AGBL4: variants seen among roughly 807,000 people sequenced by gnomAD.
The protein encoded by AGBL4 is AGBL carboxypeptidase 4.
In AGBL4, 58 loss-of-function variants were observed where a neutral mutation model predicts 66.4. The ratio of observed to expected loss-of-function variants is 0.87; its 90% CI spans 0.71 to 1.09. The LOEUF is 1.09. Ranked by LOEUF, AGBL4 falls within the 50% of genes least tolerant of loss-of-function variation. The pLI is 0.00. For synonymous variants in AGBL4, 234 were observed against 222.9 expected, an observed-to-expected ratio of 1.05 and a Z score of -0.44; for missense variants, 579 against 631.0, an observed-to-expected ratio of 0.92 and a Z score of 0.88.
chr1:49,883,438 T>G (rs908119330), intron 1 of AGBL4, among the ~76,000 whole-genome samples: 3 of 152,106 alleles, frequency 2.0e-5, no homozygotes, highest in Non-Finnish European at 4.4e-5. Context: ...ATACCTTTCT[T>G]ACAGAATTAT....
At chr1:49,883,360 G>C (rs1647632195) in intron 1 of AGBL4, among the ~76,000 whole-genome samples, 1 of 151,978 alleles carries the variant, frequency 6.6e-6, no homozygotes, top group African/African-American at 2.4e-5. Flanking sequence ...TCTCCTCTGG[G>C]AAGTCATATC....
chr1:48,733,457 G>A (rs1159365707), intron 6 of AGBL4, among the ~76,000 whole-genome samples: 3 of 152,144 alleles, frequency 2.0e-5, no homozygotes, highest in Non-Finnish European at 4.4e-5. Context: ...GAAGAGACAA[G>A]GCCTATCTCT....
rs1248376410 is a variant in AGBL4 at position 49,395,969 on chromosome 1, ACT to A, written c.283-150107_283-150106del. 6.7e-5 allele frequency among the ~76,000 whole-genome samples: 10 copies of A among 150,140 alleles called. No individual in the cohort carries two copies. The East Asian group carries it at 7.8e-4, about 12-fold the overall frequency. On this transcript the variant is annotated intron_variant, in intron 3 of 13. Coordinates refer to ENST00000371839, the MANE Select transcript of AGBL4 (RefSeq NM_032785.4). Reference sequence around the variant, plus strand: ...CTCAACTGGAAGAAGGTAGGAAGACACTCTGTCTATTCTCTCCTCATCTTAAC... The same window carrying A: ...CTCAACTGGAAGAAGGTAGGAAGACACTGTCTATTCTCTCCTCATCTTAAC...
At chr1:48,821,776 A>G (rs1324944347) in intron 6 of AGBL4, among the ~76,000 whole-genome samples, 1 of 152,182 alleles carries the variant, frequency 6.6e-6, no homozygotes, top group Non-Finnish European at 1.5e-5. Flanking sequence ...TAAGAAAGTG[A>G]AAAGGCAAGC....
chr1:49,959,536 G>A (rs1656946183), intron 1 of AGBL4, among the ~76,000 whole-genome samples: 1 of 152,016 alleles, frequency 6.6e-6, no homozygotes. Flanking sequence ...CACAGTGGCT[G>A]TTTAATAAAT....
chr1:49,521,225 C>T (rs1212462537), intron 3 of AGBL4, among the ~76,000 whole-genome samples: 1 of 152,032 alleles, frequency 6.6e-6, no homozygotes, highest in African/African-American at 2.4e-5. Flanking sequence ...TCCTATGAAA[C>T]AACCAATGTT....
At chr1:50,011,941 T>C (rs962972227) in intron 1 of AGBL4, among the ~76,000 whole-genome samples, 4 of 151,886 alleles carry the variant, frequency 2.6e-5, no homozygotes, top group African/African-American at 7.3e-5. Context: ...GGGTGGATCA[T>C]GAGGTCAGGA....
At chr1:49,959,215 G>A (rs758881930) in intron 1 of AGBL4, among the ~76,000 whole-genome samples, 42 of 152,028 alleles carry the variant, frequency 2.8e-4, no homozygotes, top group Non-Finnish European at 4.3e-4. Context: ...TGATTCCAAA[G>A]CATGGCAGAT....
intron 3 of AGBL4, among the ~76,000 whole-genome samples, chr1:49,683,300 T>A (rs1222317996): frequency 6.6e-6 from 1 of 152,132 alleles, no homozygotes; most frequent in African/African-American, 2.4e-5. Context: ...ATTGCAGAGA[T>A]AAAGGTTAAA....
chr1:49,968,387 T>C (rs1009131585), intron 1 of AGBL4, among the ~76,000 whole-genome samples: 1 of 152,170 alleles, frequency 6.6e-6, no homozygotes, highest in Non-Finnish European at 1.5e-5. Flanking sequence ...TTTGGGGCAG[T>C]GACATGTTTT....
chr1:49,379,071 C>T (rs185180957), intron 3 of AGBL4, among the ~76,000 whole-genome samples: 8 of 152,054 alleles, frequency 5.3e-5, no homozygotes, highest in East Asian at 1.9e-4. Flanking sequence ...TAGACAAATG[C>T]GAAATTTGTA....
chr1:49,346,526 C>T (rs1028469405), intron 3 of AGBL4, among the ~76,000 whole-genome samples: 2 of 152,160 alleles, frequency 1.3e-5, no homozygotes, highest in Non-Finnish European at 2.9e-5. Flanking sequence ...TGCTGTCGTA[C>T]TCTTTGTACA....
At chr1:49,303,859 C>A (rs747196503) in intron 3 of AGBL4, among the ~76,000 whole-genome samples, 1 of 152,014 alleles carries the variant, frequency 6.6e-6, no homozygotes, top group South Asian at 2.1e-4. Flanking sequence ...AATTTAAGTT[C>A]CTTCTAGATT....
At chr1:49,544,731 G>A (rs1652342480) in intron 3 of AGBL4, among the ~76,000 whole-genome samples, 1 of 152,156 alleles carries the variant, frequency 6.6e-6, no homozygotes, top group Non-Finnish European at 1.5e-5. Context: ...AGATTAGTCT[G>A]GTGTACAGAA....
At chr1:49,416,901 A>G (rs985292722) in intron 3 of AGBL4, among the ~76,000 whole-genome samples, 16 of 152,110 alleles carry the variant, frequency 1.1e-4, no homozygotes, top group African/African-American at 3.9e-4. Context: ...AAAAACATGA[A>G]TACATTAAGG....
chr1:49,602,620 C>G (rs182114000), intron 3 of AGBL4, among the ~76,000 whole-genome samples: 1 of 151,992 alleles, frequency 6.6e-6, no homozygotes, highest in Admixed American at 6.6e-5. Context: ...CGTGTTCTCA[C>G]TCATAGGTGG....
At chr1:48,683,505 T>C (rs1205434389) in intron 6 of AGBL4, among the ~76,000 whole-genome samples, 1 of 152,158 alleles carries the variant, frequency 6.6e-6, no homozygotes, top group African/African-American at 2.4e-5. Context: ...CCGCCATCCA[T>C]CATGACTCAG....
At chr1:49,421,319 T>C (rs1411424998) in intron 3 of AGBL4, among the ~76,000 whole-genome samples, 1 of 151,380 alleles carries the variant, frequency 6.6e-6, no homozygotes, top group Non-Finnish European at 1.5e-5. Context: ...GAATGAAAAA[T>C]GACTCTGTTG....
intron 6 of AGBL4, among the ~76,000 whole-genome samples, chr1:48,743,200 G>C (rs962083460): frequency 6.6e-6 from 1 of 152,180 alleles, no homozygotes; most frequent in Non-Finnish European, 1.5e-5. Flanking sequence ...AGGGAGCTTA[G>C]GAAAGTGTGG....
Sources: allele counts gnomAD v4.1 joint callset (sites outside exome capture counted in the v4.1 genomes callset), GRCh38; gene constraint gnomAD v4.1.1; transcripts MANE v1.5; gene names NCBI Gene and HGNC (gene_info 2026-07-23, HGNC 2026-07-21).